The following RUNX1 variants were observed in gnomAD, a reference collection of about 807,000 sequenced individuals.
The protein encoded by RUNX1 is runt-related transcription factor 1.
In RUNX1, 19 loss-of-function variants were observed where a neutral mutation model predicts 42.8. The ratio of observed to expected loss-of-function variants is 0.44; its 90% CI spans 0.31 to 0.65. The LOEUF (loss-of-function observed/expected upper bound fraction) is 0.65, where lower values mean the gene tolerates loss of function less well. Ranked by LOEUF, RUNX1 falls within the 30% of genes least tolerant of loss-of-function variation. The pLI, the probability that RUNX1 is intolerant of heterozygous loss-of-function variation, is 0.07. For synonymous variants in RUNX1, 271 were observed against 289.4 expected (o/e 0.94, Z 0.64); for missense variants, 528 against 672.0 (o/e 0.79, Z 2.37).
At chr21:35,019,704 G>T (rs1357694629) in intron 2 of RUNX1, among the ~76,000 whole-genome samples, 8 of 152,102 alleles carry the variant, frequency 5.3e-5, no homozygotes, top group Non-Finnish European at 1.2e-4. Context: ...CAACCTTCCA[G>T]GGAAGGGATC....
At chr21:35,017,736 T>C (rs1379447532) in intron 2 of RUNX1, among the ~76,000 whole-genome samples, 2 of 152,186 alleles carry the variant, frequency 1.3e-5, no homozygotes, top group South Asian at 2.1e-4. Context: ...TTTCTTCTCA[T>C]AGTTCTGTGT....
intron 2 of RUNX1, among the ~76,000 whole-genome samples, chr21:34,897,603 G>A (rs992274483): frequency 7.9e-5 from 12 of 152,268 alleles, no homozygotes; most frequent in South Asian, 6.2e-4. Context: ...GTGGTGGGGC[G>A]GGTGAGAGGA....
chr21:34,867,937 C>G (rs1177753886), intron 5 of RUNX1, among the ~76,000 whole-genome samples: 1 of 152,170 alleles, frequency 6.6e-6, no homozygotes, highest in Non-Finnish European at 1.5e-5. Flanking sequence ...ACCTCCTGGG[C>G]CTGGCCTCCT....
chr21:34,880,068 T>C (rs942184675), intron 5 of RUNX1, among the ~76,000 whole-genome samples: 2 of 152,218 alleles, frequency 1.3e-5, no homozygotes, highest in African/African-American at 4.8e-5. Context: ...AAAGGTAAGC[T>C]TGCTTGAAAC....
At chr21:34,839,940 G>A (rs1456241573) in intron 6 of RUNX1, among the ~76,000 whole-genome samples, 1 of 152,084 alleles carries the variant, frequency 6.6e-6, no homozygotes, top group Non-Finnish European at 1.5e-5. Context: ...AATGACTGAC[G>A]GCCTCCTTTT....
chr21:34,991,104 G>C (rs1008607770), intron 2 of RUNX1, among the ~76,000 whole-genome samples: 7 of 152,132 alleles, frequency 4.6e-5, no homozygotes, highest in Admixed American at 4.6e-4. Flanking sequence ...AGCAATGCTG[G>C]AAGCCTGTCT....
chr21:34,791,988 G>T lies in RUNX1; in HGVS notation c.*147C>A. 1 of 476,126 alleles carries T rather than the reference G, an allele frequency of 2.1e-6. No homozygotes were observed. Among genetic ancestry groups the T allele is most frequent in the Non-Finnish European group, 3.7e-6 (1 of 272,644 alleles). 29.5% of individuals were successfully genotyped at this position (476,126 alleles called of 1,614,324 possible). A position where few individuals can be genotyped will look rare whatever the true frequency, so the allele number is the denominator to read the frequency against. ...GCTGCGCGGGCCTGACCTACAGCGAGATCCTGGCCGTCGGGCGCCCTCGGC... is the reference window on the plus strand; with the variant it reads ...GCTGCGCGGGCCTGACCTACAGCGATATCCTGGCCGTCGGGCGCCCTCGGC... On this transcript the variant is annotated 3_prime_UTR_variant, in exon 9 of 9. Transcript: ENST00000675419.
At chr21:34,996,856 G>A (rs944408668) in intron 2 of RUNX1, among the ~76,000 whole-genome samples, 5 of 151,922 alleles carry the variant, frequency 3.3e-5, no homozygotes, top group African/African-American at 1.2e-4. Context: ...CACATACACA[G>A]CAAACCCCTA....
At chr21:35,022,769 C>A (rs2059208088) in intron 2 of RUNX1, among the ~76,000 whole-genome samples, 1 of 151,834 alleles carries the variant, frequency 6.6e-6, no homozygotes, top group Admixed American at 6.6e-5. Context: ...GTGGCGGGTG[C>A]CCGTAATCCC....
chr21:34,793,164 C>T (rs1382376867), intron 8 of RUNX1, among the ~76,000 whole-genome samples: 1 of 148,812 alleles, frequency 6.7e-6, no homozygotes, highest in East Asian at 2.0e-4. Context: ...GAGAGGGTTT[C>T]TACCCAGAAT....
intron 3 of RUNX1, 77 bp from the exon 4 acceptor site, chr21:34,887,173 G>C (rs1244613159): frequency 6.6e-7 from 1 of 1,516,266 alleles, no homozygotes; most frequent in Non-Finnish European, 8.8e-7. Context: ...CGACAGGGGC[G>C]CGGATCTTCA....
intron 7 of RUNX1, among the ~76,000 whole-genome samples, chr21:34,820,812 T>TA (rs1327707062): frequency 6.6e-6 from 1 of 151,944 alleles, no homozygotes; most frequent in Non-Finnish European, 1.5e-5. Context: ...AGTGCCCAAG[T>TA]GAATGATCCA....
At chr21:34,816,536 G>A (rs1336200469) in intron 7 of RUNX1, among the ~76,000 whole-genome samples, 1 of 152,172 alleles carries the variant, frequency 6.6e-6, no homozygotes, top group Non-Finnish European at 1.5e-5. Flanking sequence ...GGTAACAGCA[G>A]AAGGCAATGT....
intron 7 of RUNX1, among the ~76,000 whole-genome samples, chr21:34,832,189 A>T (rs1280505711): frequency 1.3e-5 from 2 of 152,222 alleles, no homozygotes; most frequent in Non-Finnish European, 2.9e-5. Flanking sequence ...ATACTCTACT[A>T]AGCATATAGG....
intron 7 of RUNX1, among the ~76,000 whole-genome samples, chr21:34,819,684 A>G (rs889227006): frequency 2.6e-5 from 4 of 152,138 alleles, no homozygotes; most frequent in Non-Finnish European, 5.9e-5. Flanking sequence ...ATAGCCGTGT[A>G]CTCTGTTGGG....
At chr21:34,939,618 C>T (rs2058511790) in intron 2 of RUNX1, among the ~76,000 whole-genome samples, 1 of 152,104 alleles carries the variant, frequency 6.6e-6, no homozygotes, top group African/African-American at 2.4e-5. Context: ...AGGTTTGGAA[C>T]ATAAGCACCA....
intron 3 of RUNX1, chr21:34,889,647 C>T (rs1043101967): frequency 1.0e-4 from 112 of 1,111,412 alleles, no homozygotes; most frequent in Middle Eastern, 8.1e-4. Flanking sequence ...CGCCCCCGTG[C>T]GCTCGAGCGG....
intron 8 of RUNX1, chr21:34,798,064 C>T (rs750740056): frequency 2.2e-6 from 1 of 456,550 alleles, no homozygotes; most frequent in Admixed American, 2.3e-5. Flanking sequence ...GCTAAGGCAT[C>T]TGGTGAAACC....
In RUNX1 at chr21:34,793,078, G is replaced by A. The variant is rs149127495; in HGVS notation, c.968-468C>T. Among the ~76,000 whole-genome samples, 272 of 151,732 alleles carry A rather than the reference G, an allele frequency of 1.8e-3. 1 individual carries two copies. The highest frequency in any genetic ancestry group is 6.1e-3 in the African/African-American group (251 of 41,356). The stretch of plus-strand genomic sequence containing the variant: ...AGATGGGTTTCTATCAGAATTTACC[G>A]CCCAGGAAGATTGGAACCACACAGG... On this transcript the variant is annotated intron_variant, in intron 8 of 8. Transcript: ENST00000675419.
Sources: gnomAD v4.1 joint callset for allele counts (sites outside exome capture counted in the v4.1 genomes callset) on GRCh38, gnomAD v4.1.1 for gene constraint, MANE v1.5 for transcripts, NCBI Gene and HGNC (gene_info 2026-07-23, HGNC 2026-07-21) for gene names.